TRIM2: variants seen among roughly 807,000 people sequenced by gnomAD.
TRIM2 encodes the protein tripartite motif containing 2.
Under a neutral mutation model 75.2 loss-of-function variants are expected in TRIM2, and 20 were observed. That is an observed-to-expected ratio of 0.27 (90% confidence interval 0.19 to 0.39). The LOEUF (loss-of-function observed/expected upper bound fraction) is 0.39, where lower values mean the gene tolerates loss of function less well. Among genes scored for constraint, TRIM2 ranks in the 10% least tolerant of loss-of-function variants. The probability of loss-of-function intolerance (pLI) is 1.00; values close to 1 mark genes in which losing one functional copy is unlikely to be tolerated. For synonymous variants in TRIM2, 373 were observed against 388.3 expected (o/e 0.96, Z 0.46); for missense variants, 660 against 990.8 (o/e 0.67, Z 4.48).
At position 153,335,038 on chromosome 4, in the gene TRIM2, A is replaced by C. The variant is rs1401253068; in HGVS notation, c.*72A>C. On this transcript the variant is annotated 3_prime_UTR_variant, in exon 12 of 12. Transcript: ENST00000338700. The stretch of plus-strand genomic sequence containing the variant: ...GGAATGGATTTCTCAATGCGGGACC[A>C]GATTATGACTAGAGTTTTTATGCCA... 1.2e-5 allele frequency: 17 copies of C among 1,410,938 alleles called. No homozygotes were observed. The highest frequency in any genetic ancestry group is 1.8e-4 in the Middle Eastern group (1 of 5,468). 87.4% of individuals were successfully genotyped at this position (1,410,938 alleles called of 1,614,324 possible). A position where few individuals can be genotyped will look rare whatever the true frequency, so the allele number is the denominator to read the frequency against.
chr4:153,237,707 A>G (rs1230657947), intron 1 of TRIM2, among the ~76,000 whole-genome samples: 1 of 152,204 alleles, frequency 6.6e-6, no homozygotes, highest in Admixed American at 6.5e-5. Context: ...AATATATGAA[A>G]TGTGAAAATG....
At chr4:153,266,929 C>G (rs1266995328) in intron 1 of TRIM2, 1 of 131,848 alleles carries the variant, frequency 7.6e-6, no homozygotes, top group Non-Finnish European at 1.5e-5. Context: ...TCAAGTGAAG[C>G]AGTGGGAGTG....
intron 1 of TRIM2, among the ~76,000 whole-genome samples, chr4:153,212,028 T>C (rs539220712): frequency 5.3e-5 from 8 of 152,214 alleles, no homozygotes; most frequent in Non-Finnish European, 1.0e-4. Context: ...GAGGAGGAAG[T>C]GCTTGCTTCT....
intron 1 of TRIM2, among the ~76,000 whole-genome samples, chr4:153,239,635 GAAGT>G (rs981646398): frequency 5.9e-5 from 9 of 152,104 alleles, no homozygotes; most frequent in African/African-American, 2.2e-4. Context: ...ATGAATGTTA[GAAGT>G]AAGTGGCCTG....
At chr4:153,328,329 T>C (rs1770694984) in intron 10 of TRIM2, among the ~76,000 whole-genome samples, 4 of 152,196 alleles carry the variant, frequency 2.6e-5, no homozygotes, top group Admixed American at 2.6e-4. Context: ...ATTTAACAAA[T>C]GATAAATCAG....
chr4:153,193,506 TTTTA>T (rs1428996922), intron 1 of TRIM2, among the ~76,000 whole-genome samples: 1 of 152,128 alleles, frequency 6.6e-6, no homozygotes, highest in East Asian at 1.9e-4. Context: ...ACTTGAACAT[TTTTA>T]TTTATTTATT....
intron 1 of TRIM2, among the ~76,000 whole-genome samples, chr4:153,236,695 T>C (rs1745137825): frequency 1.3e-5 from 2 of 151,304 alleles, no homozygotes; most frequent in Admixed American, 1.3e-4. Flanking sequence ...TTTTCCTTTC[T>C]TTTCTTTTCT....
intron 10 of TRIM2, among the ~76,000 whole-genome samples, chr4:153,325,904 A>G (rs1466522284): frequency 6.6e-6 from 1 of 152,248 alleles, no homozygotes; most frequent in Admixed American, 6.5e-5. Context: ...GAAAGAATTA[A>G]AACATATGTA....
chr4:153,166,582 A>G (rs4696430), intron 1 of TRIM2, among the ~76,000 whole-genome samples: 64,885 of 146,530 alleles, frequency 0.44, 15,472 homozygotes, highest in Non-Finnish European at 0.55. Context: ...GTCTCACTCC[A>G]CCACCCAGGC....
In TRIM2 at chr4:153,335,703, A is replaced by G; in HGVS notation, c.*737A>G. 1 of 985,610 alleles carries G rather than the reference A, an allele frequency of 1.0e-6. No individual in the cohort carries two copies. Among genetic ancestry groups the G allele is most frequent in the South Asian group, 4.7e-5 (1 of 21,290 alleles). 61.1% of individuals were successfully genotyped at this position (985,610 alleles called of 1,614,324 possible). ...AAATTTCTAATGCCTTGAAAAGCAT[A>G]TTACAAAAGTAATGCTACCTTTTGG... On this transcript the variant is annotated 3_prime_UTR_variant, in exon 12 of 12. Transcript: ENST00000338700.
chr4:153,185,471 G>C (rs540554073), intron 1 of TRIM2, among the ~76,000 whole-genome samples: 22 of 152,034 alleles, frequency 1.4e-4, no homozygotes, highest in Non-Finnish European at 1.0e-4. Context: ...TGCATGTCTC[G>C]GTGTGATGAG....
intron 1 of TRIM2, among the ~76,000 whole-genome samples, chr4:153,193,149 T>TG (rs1733387233): frequency 6.7e-6 from 1 of 148,940 alleles, no homozygotes; most frequent in Non-Finnish European, 1.5e-5. Context: ...TTTTTTTTTT[T>TG]GAGGCAGAGT....
chr4:153,249,599 C>T (rs1019779392), intron 1 of TRIM2, among the ~76,000 whole-genome samples: 1 of 149,308 alleles, frequency 6.7e-6, no homozygotes, highest in East Asian at 1.9e-4. Flanking sequence ...CACCTCCCTG[C>T]TCCCGCCTCG....
At chr4:153,242,822 T>A (rs1746993913) in intron 1 of TRIM2, among the ~76,000 whole-genome samples, 1 of 152,136 alleles carries the variant, frequency 6.6e-6, no homozygotes, top group Non-Finnish European at 1.5e-5. Flanking sequence ...CACTTGCAGG[T>A]TGTAAGGCAT....
At position 153,334,986 on chromosome 4, in the gene TRIM2, C is replaced by A. The variant is rs756843619; in HGVS notation, c.*20C>A. On this transcript the variant is annotated 3_prime_UTR_variant, in exon 12 of 12. Transcript: ENST00000338700. ...CAGTAATGGTGGGCAGGTGGATACC[C>A]GCTTCCATGGTCTTGCACTATAAAC... The A allele has an allele frequency of 6.2e-7, 1 of 1,602,398 alleles. No homozygotes were observed. The highest frequency in any genetic ancestry group is 2.2e-5 in the East Asian group (1 of 44,568).
chr4:153,165,533 G>A (rs1253355293), intron 1 of TRIM2, among the ~76,000 whole-genome samples: 1 of 151,836 alleles, frequency 6.6e-6, no homozygotes, highest in African/African-American at 2.4e-5. Context: ...GAGTCTCACT[G>A]TGTTGCCCAG....
intron 1 of TRIM2, 60 bp from the exon 2 acceptor site, chr4:153,270,275 T>C: frequency 6.5e-7 from 1 of 1,540,800 alleles, no homozygotes; most frequent in Non-Finnish European, 8.8e-7. Flanking sequence ...AAAGAGCCAG[T>C]GATTGACTTG....
Position 153,279,495 on chromosome 4 carries a change from G to T in TRIM2, c.453+3365G>T, listed in dbSNP as rs963503480. On this transcript the variant is annotated intron_variant, in intron 3 of 11. Coordinates refer to ENST00000338700, the MANE Select transcript of TRIM2 (RefSeq NM_015271.5). ...AAAATAATAGAAATAATAGAAAATTGGACTATTTACAAAGTATTGGAAGTG... is the reference window on the plus strand; with the variant it reads ...AAAATAATAGAAATAATAGAAAATTTGACTATTTACAAAGTATTGGAAGTG... 2.6e-5 allele frequency among the ~76,000 whole-genome samples: 4 copies of T among 151,832 alleles called. No individual in the cohort carries two copies. In the South Asian group the frequency reaches 8.3e-4, roughly 32 times the overall value.
rs1391929293 is a variant in TRIM2, at chr4:153,338,643, A to G, written c.*3677A>G. The G allele has an allele frequency of 2.0e-6, 2 of 985,668 alleles. No individual in the cohort carries two copies. The highest frequency in any genetic ancestry group is 2.3e-4 in the East Asian group (2 of 8,830). The allele number at this position is 985,668 out of a possible 1,614,324, so 61.1% of individuals were successfully genotyped here. On this transcript the variant is annotated 3_prime_UTR_variant, in exon 12 of 12. Transcript: ENST00000338700. Reference sequence around the variant, plus strand: ...TAAAGAATTATTTGTTTTGTTTTCAATGACAGTAAGCTACAAATCATGATG... The same window carrying G: ...TAAAGAATTATTTGTTTTGTTTTCAGTGACAGTAAGCTACAAATCATGATG...
Sources: allele counts gnomAD v4.1 joint callset (sites outside exome capture counted in the v4.1 genomes callset), GRCh38; gene constraint gnomAD v4.1.1; transcripts MANE v1.5; gene names NCBI Gene and HGNC (gene_info 2026-07-23, HGNC 2026-07-21).